NHEJ1: variants seen among roughly 807,000 people sequenced by gnomAD.
NHEJ1 encodes the protein non-homologous end joining factor 1, also known as non-homologous end-joining factor 1.
NHEJ1 carries 22 observed loss-of-function variants against 39.4 expected under a neutral mutation model. That is an observed-to-expected ratio of 0.56 (90% confidence interval 0.40 to 0.80). The LOEUF is 0.80. NHEJ1 is among the 30% of genes least tolerant of loss of function. The pLI, the probability that NHEJ1 is intolerant of heterozygous loss-of-function variation, is 0.00. For missense variants in NHEJ1, 329 were observed against 357.1 expected, an observed-to-expected ratio of 0.92 and a Z score of 0.63; for synonymous variants, 154 against 135.6, an observed-to-expected ratio of 1.14 and a Z score of -0.94.
At chr2:219,160,167 A>AG (rs1453465000) in intron 1 of NHEJ1, among the ~76,000 whole-genome samples, 1 of 152,110 alleles carries the variant, frequency 6.6e-6, no homozygotes, top group African/African-American at 2.4e-5. Context: ...ATCCCGGCGG[A>AG]GGGGTCCCTT....
At chr2:219,078,951 C>CA (rs1225179630) in intron 5 of NHEJ1, among the ~76,000 whole-genome samples, 1 of 152,092 alleles carries the variant, frequency 6.6e-6, no homozygotes, top group African/African-American at 2.4e-5. Context: ...AGTGATTAGG[C>CA]AAAAAATGTC....
At chr2:219,091,414 G>A (rs73991028) in intron 5 of NHEJ1, among the ~76,000 whole-genome samples, 3,740 of 152,042 alleles carry the variant, frequency 0.025, 159 homozygotes, top group African/African-American at 0.085. Context: ...GGTCGGTATC[G>A]GGCAAGAAAC....
rs774224764 is a variant in NHEJ1, at chr2:219,078,153, C to T, written c.642G>A (p.Leu214=). ...IGDGKPFVMN[L]QDLYMAVTTQ... ...TGGTGACTGCCATATACAGATCCTG[C>T]AGATTCATGACAAAGGGCTTTCCAT... Residue 214 remains leucine (L), a synonymous_variant, in exon 6 of 8, where the codon CTG becomes CTA. Transcript: ENST00000356853. The T allele has an allele frequency of 9.9e-6, 16 of 1,614,070 alleles. 1 individual carries two copies. The South Asian group carries it at 1.6e-4, about 17-fold the overall frequency.
rs539756745 is a variant in NHEJ1, at chr2:219,121,807, T to C, written c.588+24873A>G. ...CACCACCACACTCCAGCCTGGGCAA[T>C]AGACCCTATCTTAAAAAAAAAAAAA... On this transcript the variant is annotated intron_variant, in intron 5 of 7. Transcript: ENST00000356853. 2.6e-4 allele frequency among the ~76,000 whole-genome samples: 39 copies of C among 151,300 alleles called. 1 individual carries two copies. Among genetic ancestry groups the C allele is most frequent in the African/African-American group, 1.9e-4 (8 of 41,222 alleles).
At chr2:219,138,553 T>C (rs903236409) in intron 5 of NHEJ1, among the ~76,000 whole-genome samples, 5 of 152,216 alleles carry the variant, frequency 3.3e-5, no homozygotes, top group Admixed American at 6.5e-5. Flanking sequence ...GTGCCTACTA[T>C]GTGTGGAGGC....
At chr2:219,132,196 T>C (rs991212996) in intron 5 of NHEJ1, among the ~76,000 whole-genome samples, 1 of 152,260 alleles carries the variant, frequency 6.6e-6, no homozygotes, top group Non-Finnish European at 1.5e-5. Context: ...TCTAGTTTCA[T>C]GAGCAATGTA....
rs1559204137 is a variant in NHEJ1 at position 219,153,696 on chromosome 2, G to GGC, written c.390+3775_390+3776insGC. Among the ~76,000 whole-genome samples the GGC allele has an allele frequency of 1.6e-5, 2 of 128,686 alleles. 1 individual carries two copies. The highest frequency in any genetic ancestry group is 5.4e-5 in the African/African-American group (2 of 37,068). 84.4% of individuals were successfully genotyped at this position (128,686 alleles called of 152,430 possible). A position where few individuals can be genotyped will look rare whatever the true frequency, so the allele number is the denominator to read the frequency against. Reference sequence around the variant, plus strand: ...CTCAAAAGAAAAAGAAAGAAAAGGGGGGGGGGGTGGAGAGAGAGAGAGAGA... The same window carrying GGC: ...CTCAAAAGAAAAAGAAAGAAAAGGGGGCGGGGGGGTGGAGAGAGAGAGAGAGA... On this transcript the variant is annotated intron_variant, in intron 3 of 7. Transcript: ENST00000356853.
intron 2 of NHEJ1, 110 bp downstream of exon 2, chr2:219,158,076 C>CATTA: frequency 9.7e-7 from 1 of 1,029,956 alleles, no homozygotes; most frequent in South Asian, 1.3e-5. Context: ...AAGTACAGGA[C>CATTA]ATTAACTGGA....
At chr2:219,154,047 T>C (rs1949825115) in intron 3 of NHEJ1, among the ~76,000 whole-genome samples, 1 of 152,212 alleles carries the variant, frequency 6.6e-6, no homozygotes, top group Admixed American at 6.5e-5. Flanking sequence ...CTTAGGTGTC[T>C]ACTGACAGCA....
intron 5 of NHEJ1, among the ~76,000 whole-genome samples, chr2:219,102,154 G>A (rs967070277): frequency 1.3e-4 from 20 of 152,016 alleles, no homozygotes; most frequent in African/African-American, 4.1e-4. Context: ...TGGTGTTTTT[G>A]CATGTTTAAT....
At chr2:219,106,979 A>G (rs1949319871) in intron 5 of NHEJ1, among the ~76,000 whole-genome samples, 1 of 152,196 alleles carries the variant, frequency 6.6e-6, no homozygotes, top group South Asian at 2.1e-4. Flanking sequence ...AAGTCGGCCT[A>G]CCTGCCTTCT....
At chr2:219,109,808 TAA>T (rs1949347549) in intron 5 of NHEJ1, among the ~76,000 whole-genome samples, 1 of 152,208 alleles carries the variant, frequency 6.6e-6, no homozygotes, top group Admixed American at 6.5e-5. Flanking sequence ...TCAGACTGCC[TAA>T]GATAGTGGTT....
chr2:219,155,938 A>T (rs1949850318), intron 3 of NHEJ1, among the ~76,000 whole-genome samples: 1 of 149,526 alleles, frequency 6.7e-6, no homozygotes, highest in South Asian at 2.1e-4. Context: ...AAAACAAAAA[A>T]AAATAAAATT....
Position 219,075,301 on chromosome 2 carries a change from C to T in NHEJ1, c.*1080G>A, listed in dbSNP as rs1001596615. On this transcript the variant is annotated 3_prime_UTR_variant, in exon 8 of 8. Transcript: ENST00000356853. The stretch of plus-strand genomic sequence containing the variant: ...GAGTAGCTGGTATACATTAACTGCT[C>T]AATAAATGTTAGCTATTTATTATTG... The T allele has an allele frequency of 2.0e-5, 3 of 151,982 alleles. No homozygotes were observed. Among genetic ancestry groups the T allele is most frequent in the African/African-American group, 7.3e-5 (3 of 41,360 alleles). 9.4% of individuals were successfully genotyped at this position (151,982 alleles called of 1,614,324 possible).
rs553126714 is a variant in NHEJ1 at position 219,073,621 on chromosome 2, C to T, written c.*2760G>A. On this transcript the variant is annotated 3_prime_UTR_variant, in exon 8 of 8. Transcript: ENST00000356853. ...TTTTTAGGTCAAGTTCCTGCAGGAA[C>T]TTCCTCGAGGTCCCAAGTCCTGCTC... Among the ~76,000 whole-genome samples, 1 of 152,230 alleles carries T rather than the reference C, an allele frequency of 6.6e-6. No individual in the cohort carries two copies. The highest frequency in any genetic ancestry group is 2.1e-4 in the South Asian group (1 of 4,838).
intron 3 of NHEJ1, among the ~76,000 whole-genome samples, chr2:219,152,789 T>TTATATTTATTTATTTATTTATTTATTTA (rs60094718): frequency 3.4e-5 from 3 of 87,736 alleles, no homozygotes; most frequent in Admixed American, 1.1e-4. Context: ...ATTTATTTAT[T>TTATATTTATTTATTTATTTATTTATTTA]TTTATTTATT....
intron 5 of NHEJ1, among the ~76,000 whole-genome samples, chr2:219,118,662 G>A (rs754717951): frequency 2.0e-5 from 3 of 152,198 alleles, no homozygotes; most frequent in Non-Finnish European, 4.4e-5. Context: ...AGAAGGACAG[G>A]GATATATATA....
intron 5 of NHEJ1, among the ~76,000 whole-genome samples, chr2:219,094,839 C>T (rs746052113): frequency 2.0e-5 from 3 of 152,182 alleles, no homozygotes; most frequent in Non-Finnish European, 4.4e-5. Context: ...CTCCAGGGTT[C>T]ATCTCCAGGT....
chr2:219,080,041 C>T (rs1949048109), intron 5 of NHEJ1, among the ~76,000 whole-genome samples: 1 of 152,178 alleles, frequency 6.6e-6, no homozygotes, highest in South Asian at 2.1e-4. Context: ...GACCTTCACT[C>T]AGCTCAAGTA....
Sources: gnomAD v4.1 joint callset for allele counts (sites outside exome capture counted in the v4.1 genomes callset) on GRCh38, gnomAD v4.1.1 for gene constraint, MANE v1.5 for transcripts, NCBI Gene and HGNC (gene_info 2026-07-23, HGNC 2026-07-21) for gene names.